LUC7L3: variants seen among roughly 807,000 people sequenced by gnomAD.
LUC7L3 encodes the protein luc7-like protein 3.
LUC7L3 carries 6 observed loss-of-function variants against 66.8 expected under a neutral mutation model. The observed-to-expected ratio is 0.09, with a 90% CI of 0.05 to 0.18. The LOEUF (loss-of-function observed/expected upper bound fraction) is 0.18, where lower values mean the gene tolerates loss of function less well. Ranked by LOEUF, LUC7L3 falls within the 10% of genes least tolerant of loss-of-function variation. LUC7L3 has a pLI of 1.00. For missense variants in LUC7L3, 341 were observed against 531.1 expected, an observed-to-expected ratio of 0.64 and a Z score of 3.52; for synonymous variants, 160 against 174.7, an observed-to-expected ratio of 0.92 and a Z score of 0.66.
chr17:50,750,498 C>A lies in LUC7L3; in HGVS notation c.1139-3C>A. The A allele has an allele frequency of 1.2e-6, 2 of 1,607,152 alleles. No homozygotes were observed. Among genetic ancestry groups the A allele is most frequent in the Non-Finnish European group, 1.7e-6 (2 of 1,176,760 alleles). On this transcript the variant is annotated splice_region_variant and splice_polypyrimidine_tract_variant and intron_variant, in intron 9 of 9. Coordinates refer to ENST00000505658, the MANE Select transcript of LUC7L3 (RefSeq NM_016424.5). ...CCATGGTCAATGTCTTCTTTTATGG[C>A]AGAAAAGAGGGGATCTGATGATAAA...
At chr17:50,732,754 T>G (rs1042646816) in intron 1 of LUC7L3, among the ~76,000 whole-genome samples, 3 of 152,128 alleles carry the variant, frequency 2.0e-5, no homozygotes, top group Non-Finnish European at 4.4e-5. Flanking sequence ...TTTTTTCTTT[T>G]TTAGACAGGT....
In LUC7L3 at chr17:50,752,967, C is replaced by CT. The variant is rs1971040503; in HGVS notation, c.*2309dup. 2 of 152,078 alleles carry CT rather than the reference C, an allele frequency of 1.3e-5. No homozygotes were observed. The highest frequency in any genetic ancestry group is 4.1e-4 in the South Asian group (2 of 4,832). The allele number at this position is 152,078 out of a possible 1,614,324, so 9.4% of individuals were successfully genotyped here. On this transcript the variant is annotated 3_prime_UTR_variant, in exon 10 of 10. Transcript: ENST00000505658. ...AATTCCAAGTATCCTGACAAGCACT[C>CT]TTTAGCTGGCTAGCTATGGGATGAT...
chr17:50,725,648 A>G (rs1364633569), intron 1 of LUC7L3, among the ~76,000 whole-genome samples: 1 of 152,228 alleles, frequency 6.6e-6, no homozygotes, highest in Non-Finnish European at 1.5e-5. Flanking sequence ...GTGTCCATTT[A>G]TACGTGGAGT....
intron 5 of LUC7L3, among the ~76,000 whole-genome samples, chr17:50,742,735 A>G (rs1249101044): frequency 2.6e-5 from 4 of 152,164 alleles, no homozygotes; most frequent in Admixed American, 6.5e-5. Context: ...AAATGAAAAC[A>G]TATGTCTACA....
intron 9 of LUC7L3, among the ~76,000 whole-genome samples, chr17:50,749,575 A>G (rs1047199264): frequency 1.3e-5 from 2 of 152,332 alleles, no homozygotes; most frequent in East Asian, 3.9e-4. Flanking sequence ...CGTCTTCATA[A>G]CTGTGCAGAA....
At chr17:50,740,246 T>TG (rs397729715) in intron 2 of LUC7L3, 60 bp from the exon 3 acceptor site, 1 of 1,258,586 alleles carries the variant, frequency 7.9e-7, no homozygotes, top group Non-Finnish European at 1.1e-6. Flanking sequence ...TCTTTTTTTT[T>TG]GGCAAGAAAA....
chr17:50,730,574 T>G (rs1251764389), intron 1 of LUC7L3, among the ~76,000 whole-genome samples: 3 of 149,470 alleles, frequency 2.0e-5, no homozygotes, highest in Admixed American at 6.7e-5. Flanking sequence ...TGAAAATATT[T>G]GATTAGCTCA....
chr17:50,746,446 A>G, intron 8 of LUC7L3, 96 bp from the exon 9 acceptor site: 1 of 1,040,228 alleles, frequency 9.6e-7, no homozygotes, highest in Non-Finnish European at 1.4e-6. Context: ...TTAGAGGGTA[A>G]GTTTTGCCTA....
At position 50,755,733 on chromosome 17, in the gene LUC7L3, C is replaced by G. The variant is rs926054661; in HGVS notation, c.*5072C>G. ...CCCGGATACATACCCTAGAGAAACT[C>G]TTACACATGCGTACCAGGGGATGGA... is the stretch of plus-strand genomic sequence containing the variant. On this transcript the variant is annotated 3_prime_UTR_variant, in exon 10 of 10. Coordinates refer to ENST00000505658, the MANE Select transcript of LUC7L3 (RefSeq NM_016424.5). 1 of 152,150 alleles carries G rather than the reference C, an allele frequency of 6.6e-6. No individual in the cohort carries two copies. Among genetic ancestry groups the G allele is most frequent in the African/African-American group, 2.4e-5 (1 of 41,422 alleles). The allele number at this position is 152,150 out of a possible 1,614,324, so 9.4% of individuals were successfully genotyped here.
At chr17:50,742,103 T>A (rs1207999251) in intron 5 of LUC7L3, among the ~76,000 whole-genome samples, 1 of 152,114 alleles carries the variant, frequency 6.6e-6, no homozygotes, top group Non-Finnish European at 1.5e-5. Flanking sequence ...TACATGTACA[T>A]ATATATGTAT....
chr17:50,738,787 C>G (rs1970158752), intron 2 of LUC7L3, among the ~76,000 whole-genome samples: 1 of 152,000 alleles, frequency 6.6e-6, no homozygotes, highest in Non-Finnish European at 1.5e-5. Context: ...AAAAAATTTG[C>G]AGTACTAAAG....
rs903234745 is a variant in LUC7L3 at position 50,755,977 on chromosome 17, A to G, written c.*5316A>G. The G allele has an allele frequency of 2.6e-5, 4 of 152,232 alleles. No individual in the cohort carries two copies. Among genetic ancestry groups the G allele is most frequent in the African/African-American group, 9.6e-5 (4 of 41,460 alleles). 9.4% of individuals were successfully genotyped at this position (152,232 alleles called of 1,614,324 possible). A position where few individuals can be genotyped will look rare whatever the true frequency, so the allele number is the denominator to read the frequency against. On this transcript the variant is annotated 3_prime_UTR_variant, in exon 10 of 10. Transcript: ENST00000505658. Reference sequence around the variant, plus strand: ...CAGAAGAATACATCACTATGGTTCCATTTCAATGAAAGTCAAAAACAGGCT... The same window carrying G: ...CAGAAGAATACATCACTATGGTTCCGTTTCAATGAAAGTCAAAAACAGGCT...
intron 1 of LUC7L3, among the ~76,000 whole-genome samples, chr17:50,727,363 T>C (rs943041249): frequency 1.3e-5 from 2 of 152,182 alleles, no homozygotes; most frequent in African/African-American, 4.8e-5. Flanking sequence ...CTTCCACTCA[T>C]GGCAGAAGGG....
In LUC7L3 at chr17:50,751,413, A is replaced by G. The variant is rs1433121261; in HGVS notation, c.*752A>G. 7 of 1,289,532 alleles carry G rather than the reference A, an allele frequency of 5.4e-6. No individual in the cohort carries two copies. The highest frequency in any genetic ancestry group is 1.1e-4 in the East Asian group (2 of 18,024). 79.9% of individuals were successfully genotyped at this position (1,289,532 alleles called of 1,614,324 possible). A position where few individuals can be genotyped will look rare whatever the true frequency, so the allele number is the denominator to read the frequency against. On this transcript the variant is annotated 3_prime_UTR_variant, in exon 10 of 10. Transcript: ENST00000505658. ...CTACCCACATCCATGTTTGAATGCT[A>G]TTGCCTGTGATCTTTACGCTTAACT...
intron 5 of LUC7L3, among the ~76,000 whole-genome samples, chr17:50,742,564 G>A (rs1340815780): frequency 1.3e-5 from 2 of 152,116 alleles, no homozygotes; most frequent in Non-Finnish European, 2.9e-5. Flanking sequence ...TCACCGTGCT[G>A]GCCAAGCTGG....
At chr17:50,730,310 A>G (rs1969501639) in intron 1 of LUC7L3, among the ~76,000 whole-genome samples, 1 of 151,944 alleles carries the variant, frequency 6.6e-6, no homozygotes. Flanking sequence ...AAAATAGTGC[A>G]GACAGGCCAG....
chr17:50,721,216 T>A (rs1022472378), intron 1 of LUC7L3, among the ~76,000 whole-genome samples: 2 of 152,224 alleles, frequency 1.3e-5, no homozygotes, highest in Non-Finnish European at 2.9e-5. Context: ...ATTTGGCTTA[T>A]GTTCAATAGG....
intron 1 of LUC7L3, among the ~76,000 whole-genome samples, chr17:50,721,441 A>T (rs1567852594): frequency 2.6e-5 from 4 of 152,172 alleles, no homozygotes; most frequent in Admixed American, 2.6e-4. Context: ...GTTTTATGTC[A>T]TCTCAGCCGT....
chr17:50,750,449 C>T, intron 9 of LUC7L3, 52 bp from the exon 10 acceptor site: 1 of 1,523,320 alleles, frequency 6.6e-7, no homozygotes, highest in African/African-American at 1.4e-5. Flanking sequence ...AAAATCATGT[C>T]TTTATTGTAT....
Sources: gnomAD v4.1 joint callset for allele counts (sites outside exome capture counted in the v4.1 genomes callset) on GRCh38, gnomAD v4.1.1 for gene constraint, MANE v1.5 for transcripts, NCBI Gene and HGNC (gene_info 2026-07-23, HGNC 2026-07-21) for gene names.